Variants in HCK observed in about 807,000 individuals in gnomAD.
HCK encodes the protein HCK proto-oncogene, Src family tyrosine kinase.
A neutral mutation model predicts 70.4 loss-of-function variants in HCK; 40 were observed. The ratio of observed to expected loss-of-function variants is 0.57; its 90% CI spans 0.44 to 0.74. The LOEUF is 0.74. Among genes scored for constraint, HCK ranks in the 30% least tolerant of loss-of-function variants. HCK has a pLI of 0.00. For synonymous variants in HCK, 245 were observed against 263.2 expected (o/e 0.93, Z 0.67); for missense variants, 568 against 697.2 (o/e 0.81, Z 2.09).
At chr20:32,074,268 C>A (rs2045588736) in intron 4 of HCK, among the ~76,000 whole-genome samples, 1 of 152,178 alleles carries the variant, frequency 6.6e-6, no homozygotes, top group Non-Finnish European at 1.5e-5. Flanking sequence ...GCCCACTCTC[C>A]CCTATTCTCA....
In HCK at chr20:32,073,639, A is replaced by G; in HGVS notation, c.227-77A>G. On this transcript the variant is annotated intron_variant, in intron 3 of 12. Coordinates refer to ENST00000375852, the MANE Select transcript of HCK (RefSeq NM_002110.5). Reference sequence around the variant, plus strand: ...ATATCGATGGGTGCGGAGCTGTTCCAGGTGCCGGGTGAGGGTCACCAAGGG... The same window carrying G: ...ATATCGATGGGTGCGGAGCTGTTCCGGGTGCCGGGTGAGGGTCACCAAGGG... 5.3e-6 allele frequency: 5 copies of G among 946,664 alleles called. No homozygotes were observed. The South Asian group carries it at 7.2e-5, about 14-fold the overall frequency. The allele number at this position is 946,664 out of a possible 1,614,324, so 58.6% of individuals were successfully genotyped here. A position where few individuals can be genotyped will look rare whatever the true frequency, so the allele number is the denominator to read the frequency against.
rs944372671 is a variant in HCK at position 32,058,157 on chromosome 20, G to A, written c.62+5671G>A. On this transcript the variant is annotated intron_variant, in intron 1 of 12. Transcript: ENST00000375852. ...ACAGTAGACGACCCCGAGTCTGAGTGCCAGCTCTGCCAAAGACAGGTTGTG... is the reference window on the plus strand; with the variant it reads ...ACAGTAGACGACCCCGAGTCTGAGTACCAGCTCTGCCAAAGACAGGTTGTG... Among the ~76,000 whole-genome samples, 6 of 152,054 alleles carry A rather than the reference G, an allele frequency of 3.9e-5. No homozygotes were observed. In the South Asian group the frequency reaches 1.0e-3, roughly 26 times the overall value.
At position 32,052,349 on chromosome 20, in the gene HCK, G is replaced by C. The variant is rs41303795; in HGVS notation, c.-76G>C. The stretch of plus-strand genomic sequence containing the variant: ...ACGCCCGCGGCACCAAAGCCCCTCA[G>C]AGCGTCGCCCCCGCCTCTAGTTCTA... On this transcript the variant is annotated 5_prime_UTR_variant, in exon 1 of 13. Coordinates refer to ENST00000375852, the MANE Select transcript of HCK (RefSeq NM_002110.5). The C allele has an allele frequency of 6.4e-6, 7 of 1,094,546 alleles. No homozygotes were observed. The highest frequency in any genetic ancestry group is 8.3e-6 in the Non-Finnish European group (7 of 838,726). The allele number at this position is 1,094,546 out of a possible 1,614,324, so 67.8% of individuals were successfully genotyped here. A position where few individuals can be genotyped will look rare whatever the true frequency, so the allele number is the denominator to read the frequency against.
chr20:32,054,338 A>G (rs1235395405), intron 1 of HCK: 2 of 455,650 alleles, frequency 4.4e-6, no homozygotes, highest in Admixed American at 2.4e-5. Flanking sequence ...CTATCTATGC[A>G]GTGGTTCATG....
intron 4 of HCK, 108 bp downstream of exon 4, chr20:32,073,926 G>T (rs2045583442): frequency 3.0e-6 from 2 of 657,924 alleles, no homozygotes; most frequent in Admixed American, 2.4e-5. Flanking sequence ...CTTATCCTGG[G>T]TATAAATGTC....
At chr20:32,086,596 G>A (rs1203639232) in intron 8 of HCK, 32 bp from the exon 9 acceptor site, 17 of 1,565,306 alleles carry the variant, frequency 1.1e-5, no homozygotes, top group African/African-American at 2.7e-5. Context: ...AGTGGGCTCT[G>A]ACCACCTTCC....
chr20:32,071,477 G>A (rs1211014392), intron 1 of HCK, among the ~76,000 whole-genome samples, 185 bp from the exon 2 acceptor site: 1 of 152,272 alleles, frequency 6.6e-6, no homozygotes, highest in Non-Finnish European at 1.5e-5. Context: ...AAGCCCAGAG[G>A]TGGCAAGGAT....
chr20:32,081,975 T>G (rs2045714475), intron 6 of HCK, among the ~76,000 whole-genome samples: 1 of 152,214 alleles, frequency 6.6e-6, no homozygotes, highest in Non-Finnish European at 1.5e-5. Context: ...AATCCCACCC[T>G]GCTGCTTCCT....
At chr20:32,060,748 C>T (rs1392291359) in intron 1 of HCK, among the ~76,000 whole-genome samples, 2 of 151,902 alleles carry the variant, frequency 1.3e-5, no homozygotes, top group African/African-American at 2.4e-5. Context: ...TAGTTCAAGT[C>T]CTTTGAGAAG....
In HCK at chr20:32,087,617, C is replaced by T. The variant is rs189963501; in HGVS notation, c.1015+810C>T. On this transcript the variant is annotated intron_variant, in intron 9 of 12. Transcript: ENST00000375852. ...CAGTAGCTGGCACTACAGGCATGCA[C>T]TACCACACCCAGCTAATTTCTAAAA... 1.2e-4 allele frequency among the ~76,000 whole-genome samples: 18 copies of T among 151,948 alleles called. No homozygotes were observed. In the East Asian group the frequency reaches 1.5e-3, roughly 13 times the overall value.
Position 32,052,446 on chromosome 20 carries a change from G to T in HCK, c.22G>T (p.Glu8Ter), listed in dbSNP as rs572159768. The change falls in exon 1 of 13, where the codon GAG (glutamate) becomes TAG (stop). Residue 8 changes from glutamate to a stop codon, truncating the protein, a stop_gained. Transcript: ENST00000375852. LOFTEE classifies it high-confidence loss of function. ...CGAGCTGGGGGGGCGCTCAAGCTGC[G>T]AGGATCCGGGCTGCCCGCGAGACGA... is the stretch of plus-strand genomic sequence containing the variant. 1.1e-5 allele frequency: 14 copies of T among 1,279,474 alleles called. No individual in the cohort carries two copies. The South Asian group carries it at 3.3e-4, about 31-fold the overall frequency. 79.3% of individuals were successfully genotyped at this position (1,279,474 alleles called of 1,614,324 possible).
chr20:32,078,201 A>AT (rs1196535364), intron 5 of HCK, among the ~76,000 whole-genome samples: 6,533 of 134,596 alleles, frequency 0.049, 260 homozygotes, highest in African/African-American at 0.11. Context: ...TGCTCGGCTA[A>AT]TTTTTTTTTT....
intron 1 of HCK, 44 bp downstream of exon 1, chr20:32,052,530 GGGTCCC>G: frequency 8.0e-7 from 1 of 1,244,600 alleles, no homozygotes; most frequent in Non-Finnish European, 1.0e-6. Context: ...GGCCCGCGAG[GGGTCCC>G]AGGAGGCGGA....
At chr20:32,068,135 A>G (rs943769211) in intron 1 of HCK, among the ~76,000 whole-genome samples, 15 of 151,748 alleles carry the variant, frequency 9.9e-5, no homozygotes, top group African/African-American at 2.4e-4. Flanking sequence ...TGTCTCTACT[A>G]AAAAATACAA....
chr20:32,101,257 C>A, intron 12 of HCK, 60 bp from the exon 13 acceptor site: 1 of 1,510,532 alleles, frequency 6.6e-7, no homozygotes, highest in Non-Finnish European at 9.1e-7. Context: ...ACAGGGCCTG[C>A]CACCCCTGGG....
intron 12 of HCK, among the ~76,000 whole-genome samples, chr20:32,099,375 T>TTTTTTTTTTTTTTTTTTA: frequency 9.4e-6 from 1 of 106,066 alleles, no homozygotes; most frequent in African/African-American, 4.4e-5. Flanking sequence ...TTTTTTTTTT[T>TTTTTTTTTTTTTTTTTTA]GAGACGGAGT....
chr20:32,085,478 C>T (rs2045771971), intron 8 of HCK, among the ~76,000 whole-genome samples: 1 of 152,028 alleles, frequency 6.6e-6, no homozygotes, highest in Non-Finnish European at 1.5e-5. Flanking sequence ...CGCACCACTG[C>T]ACTCCAGCCT....
At chr20:32,054,237 A>G (rs1352368887) in intron 1 of HCK, 1 of 456,496 alleles carries the variant, frequency 2.2e-6, no homozygotes, top group South Asian at 1.5e-5. Flanking sequence ...GTCATGAGTT[A>G]CAGTCCTTCC....
At position 32,052,386 on chromosome 20, in the gene HCK, TC is replaced by T; in HGVS notation, c.-36del. The T allele has an allele frequency of 1.6e-6, 2 of 1,278,922 alleles. No individual in the cohort carries two copies. Among genetic ancestry groups the T allele is most frequent in the South Asian group, 2.8e-5 (1 of 36,322 alleles). The allele number at this position is 1,278,922 out of a possible 1,614,324, so 79.2% of individuals were successfully genotyped here. A position where few individuals can be genotyped will look rare whatever the true frequency, so the allele number is the denominator to read the frequency against. On this transcript the variant is annotated 5_prime_UTR_variant, in exon 1 of 13. Coordinates refer to ENST00000375852, the MANE Select transcript of HCK (RefSeq NM_002110.5). ...CGCCTCTAGTTCTAGAAAGTCAGTT[TC>T]CCGGCACTGGCACCCCGGAACCTCA...
Sources: allele counts gnomAD v4.1 joint callset (sites outside exome capture counted in the v4.1 genomes callset), GRCh38; gene constraint gnomAD v4.1.1; transcripts MANE v1.5; gene names NCBI Gene and HGNC (gene_info 2026-07-23, HGNC 2026-07-21).